Variants in PPARGC1B observed in about 807,000 individuals in gnomAD.
PPARGC1B encodes peroxisome proliferator-activated receptor gamma coactivator 1-beta.
A neutral mutation model predicts 101.6 loss-of-function variants in PPARGC1B; 34 were observed. The observed-to-expected ratio is 0.33, with a 90% CI of 0.25 to 0.45. The LOEUF is 0.45. Among genes scored for constraint, PPARGC1B ranks in the 20% least tolerant of loss-of-function variants. The pLI is 1.00. For missense variants in PPARGC1B, 1,234 were observed against 1,317.6 expected (o/e 0.94, Z 0.98); for synonymous variants, 548 against 539.3 (o/e 1.02, Z -0.22).
At chr5:149,741,015 A>C (rs1561847275) in intron 1 of PPARGC1B, among the ~76,000 whole-genome samples, 1 of 152,194 alleles carries the variant, frequency 6.6e-6, no homozygotes, top group Non-Finnish European at 1.5e-5. Context: ...CAGCAGAGGC[A>C]AGACAGGGCC....
intron 1 of PPARGC1B, among the ~76,000 whole-genome samples, chr5:149,755,301 A>C (rs1755476374): frequency 1.3e-5 from 2 of 151,472 alleles, no homozygotes; most frequent in African/African-American, 4.9e-5. Context: ...CAAACAGCTC[A>C]CTGCAGGCTT....
At chr5:149,766,194 G>A (rs1305897335) in intron 1 of PPARGC1B, among the ~76,000 whole-genome samples, 1 of 152,056 alleles carries the variant, frequency 6.6e-6, no homozygotes, top group Admixed American at 6.5e-5. Context: ...TTAAATTTAT[G>A]ATTATGATTA....
rs1442934310 is a variant in PPARGC1B at position 149,853,924 on chromosome 5, C to T, written c.*6366C>T. 2 of 152,154 alleles carry T rather than the reference C, an allele frequency of 1.3e-5. No homozygotes were observed. The highest frequency in any genetic ancestry group is 3.9e-4 in the East Asian group (2 of 5,188). 9.4% of individuals were successfully genotyped at this position (152,154 alleles called of 1,614,324 possible). The stretch of plus-strand genomic sequence containing the variant: ...GGAATTCACACCCACCCCCTCGCCT[C>T]CTTGTGCCATGTTGTTAGCATTGGC... On this transcript the variant is annotated 3_prime_UTR_variant, in exon 12 of 12. Transcript: ENST00000309241. The surrounding 1 kb of genome is among the most constrained non-coding windows in gnomAD (Gnocchi z 4.2).
intron 10 of PPARGC1B, among the ~76,000 whole-genome samples, chr5:149,844,687 C>A (rs898510338): frequency 2.0e-5 from 3 of 152,170 alleles, no homozygotes; most frequent in Non-Finnish European, 2.9e-5. Context: ...AAACTTGGCC[C>A]TGGTTCAGAG....
intron 9 of PPARGC1B, among the ~76,000 whole-genome samples, chr5:149,841,499 A>G (rs2113436701): frequency 6.6e-6 from 1 of 152,302 alleles, no homozygotes; most frequent in South Asian, 2.1e-4. Flanking sequence ...CTGGAGCATC[A>G]CTGGCTATAA....
intron 1 of PPARGC1B, among the ~76,000 whole-genome samples, chr5:149,808,393 A>G (rs553682173): frequency 6.6e-6 from 1 of 152,148 alleles, no homozygotes; most frequent in South Asian, 2.1e-4. Context: ...GCAGCTGAGG[A>G]TGGCATTTGA....
rs530840908 is a variant in PPARGC1B at position 149,803,846 on chromosome 5, A to G, written c.79-16587A>G. 7.9e-5 allele frequency among the ~76,000 whole-genome samples: 12 copies of G among 152,358 alleles called. 1 individual carries two copies. Among genetic ancestry groups the G allele is most frequent in the African/African-American group, 2.6e-4 (11 of 41,590 alleles). ...ACGCACTTCTACATAAGGCAGGCTC[A>G]GCTGTGGCTTAGGAGGCCAGCCAGA... On this transcript the variant is annotated intron_variant, in intron 1 of 11. Coordinates refer to ENST00000309241, the MANE Select transcript of PPARGC1B (RefSeq NM_133263.4).
chr5:149,760,351 A>G (rs1755674011), intron 1 of PPARGC1B, among the ~76,000 whole-genome samples: 3 of 152,220 alleles, frequency 2.0e-5, no homozygotes, highest in African/African-American at 7.2e-5. Flanking sequence ...TTGGCATTGA[A>G]TGGTAGCTAT....
At position 149,826,901 on chromosome 5, in the gene PPARGC1B, C is replaced by A. The variant is rs369360016; in HGVS notation, c.465+16C>A. ...GCTCTCACTGGTAAGAACCTACTTA[C>A]AGCAGAAGTGATGGTTGCAGCCTGG... On this transcript the variant is annotated intron_variant, in intron 3 of 11. Transcript: ENST00000309241. 2 of 1,575,678 alleles carry A rather than the reference C, an allele frequency of 1.3e-6. No individual in the cohort carries two copies. The highest frequency in any genetic ancestry group is 1.7e-6 in the Non-Finnish European group (2 of 1,151,364).
intron 1 of PPARGC1B, among the ~76,000 whole-genome samples, chr5:149,766,288 C>T (rs1755911220): frequency 6.6e-6 from 1 of 152,150 alleles, no homozygotes; most frequent in Non-Finnish European, 1.5e-5. Flanking sequence ...AATATCTTTA[C>T]TGGATTAAAA....
At chr5:149,779,989 A>G (rs867145580) in intron 1 of PPARGC1B, among the ~76,000 whole-genome samples, 11 of 152,210 alleles carry the variant, frequency 7.2e-5, no homozygotes, top group Admixed American at 2.6e-4. Flanking sequence ...TCTGGCTGGC[A>G]GCAAGTGATT....
chr5:149,822,515 C>T (rs1191478599), intron 2 of PPARGC1B, among the ~76,000 whole-genome samples: 6 of 152,232 alleles, frequency 3.9e-5, no homozygotes, highest in African/African-American at 9.6e-5. Flanking sequence ...CCCTGCCCAT[C>T]GGAAACTCTG....
rs1223242231 is a variant in PPARGC1B at position 149,739,464 on chromosome 5, C to T, written c.78+9044C>T. On this transcript the variant is annotated intron_variant, in intron 1 of 11. Transcript: ENST00000309241. The stretch of plus-strand genomic sequence containing the variant: ...GAACCTTGACTGTGAGCAGCTCCCT[C>T]TCCTTCCAGGCTTGGGGCAGGGGGC... Among the ~76,000 whole-genome samples, 4 of 152,318 alleles carry T rather than the reference C, an allele frequency of 2.6e-5. No homozygotes were observed. The East Asian group carries it at 7.7e-4, about 29-fold the overall frequency.
At chr5:149,813,572 T>G (rs954315165) in intron 1 of PPARGC1B, among the ~76,000 whole-genome samples, 1 of 152,160 alleles carries the variant, frequency 6.6e-6, no homozygotes, top group Non-Finnish European at 1.5e-5. Flanking sequence ...TCACGAAGCA[T>G]TGACCCTCCT....
At chr5:149,784,473 C>T (rs577685135) in intron 1 of PPARGC1B, among the ~76,000 whole-genome samples, 1 of 151,902 alleles carries the variant, frequency 6.6e-6, no homozygotes, top group South Asian at 2.1e-4. Context: ...CTTACCATGG[C>T]CTAGAAGTCT....
intron 2 of PPARGC1B, among the ~76,000 whole-genome samples, chr5:149,826,126 A>G (rs1006060736): frequency 6.6e-6 from 1 of 152,160 alleles, no homozygotes; most frequent in Non-Finnish European, 1.5e-5. Flanking sequence ...TCTAATCACC[A>G]TAGTTGCTAC....
chr5:149,766,705 G>A (rs1393458803), intron 1 of PPARGC1B, among the ~76,000 whole-genome samples: 3 of 152,230 alleles, frequency 2.0e-5, no homozygotes, highest in African/African-American at 7.2e-5. Context: ...GTCCTTGACA[G>A]AGCACAATAG....
chr5:149,833,647 C>A lies in PPARGC1B; in HGVS notation c.1574C>A (p.Pro525His), dbSNP rs1758917714. Residue 525 changes from proline (P) to histidine (H), a missense_variant, in exon 5 of 12, where the codon CCC becomes CAC. Transcript: ENST00000309241. The surrounding 1 kb of genome is among the most constrained non-coding windows in gnomAD (Gnocchi z 4.1). ...AYDVERELGSPTDEDSGQDQQ... is the reference protein window; with the variant it reads ...AYDVERELGSHTDEDSGQDQQ... ...GACGTAGAGCGGGAGCTGGGCAGCC[C>A]CACGGACGAGGACAGTGGCCAAGAC... The A allele has an allele frequency of 1.2e-6, 2 of 1,610,078 alleles. No homozygotes were observed. Among genetic ancestry groups the A allele is most frequent in the East Asian group, 2.2e-5 (1 of 44,700 alleles).
In PPARGC1B at chr5:149,854,356, CAT is replaced by C. The variant is rs1561656582; in HGVS notation, c.*6800_*6801del. On this transcript the variant is annotated 3_prime_UTR_variant, in exon 12 of 12. Transcript: ENST00000309241. ...GTGTGTGTGTGTGTATCTGTGCACA[CAT>C]ACACACGTCTGTGCCTGTGTGTGTG... The C allele has an allele frequency of 6.6e-6, 1 of 151,546 alleles. No homozygotes were observed. The highest frequency in any genetic ancestry group is 1.5e-5 in the Non-Finnish European group (1 of 67,904). The allele number at this position is 151,546 out of a possible 1,614,324, so 9.4% of individuals were successfully genotyped here. A position where few individuals can be genotyped will look rare whatever the true frequency, so the allele number is the denominator to read the frequency against.
Sources: gnomAD v4.1 joint callset for allele counts (sites outside exome capture counted in the v4.1 genomes callset) on GRCh38, gnomAD v4.1.1 for gene constraint, Gnocchi (gnomAD v3.1) non-coding constraint, MANE v1.5 for transcripts, NCBI Gene and HGNC (gene_info 2026-07-23, HGNC 2026-07-21) for gene names.